Variants in TM9SF3 observed in about 807,000 individuals in gnomAD.
The protein encoded by TM9SF3 is SM-11044-binding protein.
In TM9SF3, 14 loss-of-function variants were observed where a neutral mutation model predicts 78.6. The observed-to-expected ratio is 0.18, with a 90% CI of 0.12 to 0.28. TM9SF3 has a LOEUF of 0.28. Ranked by LOEUF, TM9SF3 falls within the 10% of genes least tolerant of loss-of-function variation. The probability of loss-of-function intolerance (pLI) is 1.00; values close to 1 mark genes in which losing one functional copy is unlikely to be tolerated. For synonymous variants in TM9SF3, 231 were observed against 241.7 expected (o/e 0.96, Z 0.41); for missense variants, 496 against 721.9 (o/e 0.69, Z 3.59).
At chr10:96,552,284 T>C (rs1382785268) in intron 6 of TM9SF3, among the ~76,000 whole-genome samples, 1 of 152,032 alleles carries the variant, frequency 6.6e-6, no homozygotes, top group Non-Finnish European at 1.5e-5. Context: ...AAATTATCTC[T>C]ACAATAAATA....
At chr10:96,541,699 A>C (rs1848035102) in intron 9 of TM9SF3, among the ~76,000 whole-genome samples, 1 of 152,224 alleles carries the variant, frequency 6.6e-6, no homozygotes. Flanking sequence ...AAACTTTCAT[A>C]GAACAGAGAA....
chr10:96,523,400 T>C (rs1237421258), intron 14 of TM9SF3, among the ~76,000 whole-genome samples: 2 of 151,848 alleles, frequency 1.3e-5, no homozygotes, highest in Non-Finnish European at 1.5e-5. Flanking sequence ...ATCTCTCCTG[T>C]TTCTCCTATG....
At chr10:96,567,789 C>T (rs1848395800) in intron 2 of TM9SF3, among the ~76,000 whole-genome samples, 2 of 152,202 alleles carry the variant, frequency 1.3e-5, no homozygotes, top group African/African-American at 4.8e-5. Flanking sequence ...CTTCAGTACC[C>T]TGCACAGACT....
intron 3 of TM9SF3, among the ~76,000 whole-genome samples, chr10:96,564,633 A>G (rs1848348994): frequency 6.6e-6 from 1 of 152,242 alleles, no homozygotes; most frequent in Non-Finnish European, 1.5e-5. Flanking sequence ...AATTTTAAGC[A>G]TTAGAAGAAA....
At chr10:96,528,208 C>A in intron 11 of TM9SF3, 31 bp from the exon 12 acceptor site, 2 of 1,587,568 alleles carry the variant, frequency 1.3e-6, no homozygotes, top group South Asian at 1.2e-5. Context: ...CACAGGTTTC[C>A]AGTCTTTATT....
intron 3 of TM9SF3, among the ~76,000 whole-genome samples, chr10:96,563,920 TC>T (rs1462712094): frequency 6.0e-5 from 9 of 150,838 alleles, no homozygotes; most frequent in Admixed American, 2.6e-4. Context: ...TATTCTAAAA[TC>T]CCAGGGCTAT....
chr10:96,576,486 AG>A, intron 2 of TM9SF3, 147 bp downstream of exon 2: 1 of 662,366 alleles, frequency 1.5e-6, no homozygotes. Flanking sequence ...TGGGGGGTAC[AG>A]GCCAGGGACT....
Position 96,522,150 on chromosome 10 carries a change from A to G in TM9SF3, c.*113T>C, listed in dbSNP as rs1049739221. ...CCACCGACGAAAGAGAGACCCACAA[A>G]GTACCCAGTGTGTTAAAGCCCAAAT... is the stretch of plus-strand genomic sequence containing the variant. On this transcript the variant is annotated 3_prime_UTR_variant, in exon 15 of 15. Transcript: ENST00000371142. The G allele has an allele frequency of 1.2e-6, 1 of 837,704 alleles. No individual in the cohort carries two copies. Among genetic ancestry groups the G allele is most frequent in the Non-Finnish European group, 1.9e-6 (1 of 519,384 alleles). The allele number at this position is 837,704 out of a possible 1,614,324, so 51.9% of individuals were successfully genotyped here. A position where few individuals can be genotyped will look rare whatever the true frequency, so the allele number is the denominator to read the frequency against.
chr10:96,523,229 C>T (rs4534508), intron 14 of TM9SF3, among the ~76,000 whole-genome samples: 30,974 of 151,684 alleles, frequency 0.2, 3,516 homozygotes, highest in Admixed American at 0.3. Flanking sequence ...CCATTGGCCT[C>T]AGGAATTTAT....
At chr10:96,577,544 G>C (rs1848511550) in intron 1 of TM9SF3, 3 of 152,210 alleles carry the variant, frequency 2.0e-5, no homozygotes, top group Admixed American at 2.0e-4. Context: ...TGGGAGGCCT[G>C]TCAAAGATTT....
chr10:96,522,782 C>T (rs985504665), intron 14 of TM9SF3, among the ~76,000 whole-genome samples: 1 of 151,840 alleles, frequency 6.6e-6, no homozygotes, highest in Non-Finnish European at 1.5e-5. Flanking sequence ...GACAGGGAAC[C>T]ATGTCCCAAT....
intron 9 of TM9SF3, among the ~76,000 whole-genome samples, chr10:96,535,409 ATAAG>A (rs1847946062): frequency 6.6e-6 from 1 of 152,220 alleles, no homozygotes; most frequent in South Asian, 2.1e-4. Context: ...GGTGCTGAAG[ATAAG>A]TAATAGCTTA....
Position 96,520,889 on chromosome 10 carries a change from G to C in TM9SF3, c.*1374C>G. On this transcript the variant is annotated 3_prime_UTR_variant, in exon 15 of 15. Transcript: ENST00000371142. ...GGGTCCCCTGTATGAGAGTAGCATA[G>C]TTTATAGCATACTTTTAAAAATGGC... 1 of 397,186 alleles carries C rather than the reference G, an allele frequency of 2.5e-6. No individual in the cohort carries two copies. Among genetic ancestry groups the C allele is most frequent in the South Asian group, 1.3e-4 (1 of 7,844 alleles). The allele number at this position is 397,186 out of a possible 1,614,324, so 24.6% of individuals were successfully genotyped here.
intron 2 of TM9SF3, among the ~76,000 whole-genome samples, chr10:96,565,628 A>C (rs759392552): frequency 6.6e-6 from 1 of 152,094 alleles, no homozygotes; most frequent in South Asian, 2.1e-4. Context: ...TATAATGAAA[A>C]AATTTTAATC....
chr10:96,524,047 T>C (rs901634920), intron 14 of TM9SF3, among the ~76,000 whole-genome samples: 8 of 151,746 alleles, frequency 5.3e-5, no homozygotes, highest in Non-Finnish European at 1.0e-4. Flanking sequence ...AAGGGGGGGA[T>C]ACAAAGTGAG....
At chr10:96,577,023 C>T (rs978716234) in intron 1 of TM9SF3, among the ~76,000 whole-genome samples, 194 bp from the exon 2 acceptor site, 1 of 152,036 alleles carries the variant, frequency 6.6e-6, no homozygotes, top group Non-Finnish European at 1.5e-5. Flanking sequence ...AAAATTATAT[C>T]CTCTGATTGT....
chr10:96,571,557 A>G (rs373656468), intron 2 of TM9SF3, among the ~76,000 whole-genome samples: 1 of 152,198 alleles, frequency 6.6e-6, no homozygotes, highest in South Asian at 2.1e-4. Flanking sequence ...CCCCAGGCAG[A>G]TATCTGGAGG....
chr10:96,524,369 C>T (rs943281678), intron 14 of TM9SF3, among the ~76,000 whole-genome samples: 3 of 151,506 alleles, frequency 2.0e-5, no homozygotes, highest in African/African-American at 7.3e-5. Flanking sequence ...GAAAATATAC[C>T]TGAATCCTTA....
intron 12 of TM9SF3, 100 bp downstream of exon 12, chr10:96,527,931 A>T (rs1847856611): frequency 1.7e-6 from 2 of 1,202,960 alleles, no homozygotes; most frequent in Non-Finnish European, 2.3e-6. Context: ...AAGTAACAAC[A>T]TTTCTATACA....
Sources: gnomAD v4.1 joint callset for allele counts (sites outside exome capture counted in the v4.1 genomes callset) on GRCh38, gnomAD v4.1.1 for gene constraint, MANE v1.5 for transcripts, NCBI Gene and HGNC (gene_info 2026-07-23, HGNC 2026-07-21) for gene names.